The following PRSS3 variants were observed in gnomAD, a reference collection of about 807,000 sequenced individuals.
PRSS3 encodes the protein serine protease 3, also known as trypsin-3.
PRSS3 carries 14 observed loss-of-function variants against 20.8 expected under a neutral mutation model. The ratio of observed to expected loss-of-function variants is 0.67; its 90% CI spans 0.44 to 1.05. The LOEUF (loss-of-function observed/expected upper bound fraction) is 1.05, where lower values mean the gene tolerates loss of function less well. Among genes scored for constraint, PRSS3 ranks in the 50% least tolerant of loss-of-function variants. PRSS3 has a pLI of 0.00. For synonymous variants in PRSS3, 91 were observed against 117.6 expected, an observed-to-expected ratio of 0.77 and a Z score of 1.46; for missense variants, 237 against 306.4, an observed-to-expected ratio of 0.77 and a Z score of 1.69.
At chr9:33,780,814 C>T (rs1824152698) in intron 1 of PRSS3, among the ~76,000 whole-genome samples, 1 of 152,172 alleles carries the variant, frequency 6.6e-6, no homozygotes, top group Non-Finnish European at 1.5e-5. Flanking sequence ...ATAAAGAGTA[C>T]AATCCAACAA....
At chr9:33,785,160 ATTTTTTTTTTTTTTTTT>A (rs74180504) in intron 1 of PRSS3, among the ~76,000 whole-genome samples, 5 of 72,498 alleles carry the variant, frequency 6.9e-5, no homozygotes, top group Admixed American at 5.3e-4. Context: ...ATTGTGGTCA[ATTTTTTTTTTTTTTTTT>A]TTTTTTTTTT....
intron 1 of PRSS3, among the ~76,000 whole-genome samples, chr9:33,763,715 A>G (rs1399004080): frequency 6.6e-6 from 1 of 151,878 alleles, no homozygotes; most frequent in Non-Finnish European, 1.5e-5. Flanking sequence ...AAAAAAAAAA[A>G]AAAGGTGGAA....
intron 1 of PRSS3, among the ~76,000 whole-genome samples, chr9:33,756,791 T>G (rs1275516856): frequency 6.6e-6 from 1 of 152,238 alleles, no homozygotes; most frequent in Non-Finnish European, 1.5e-5. Flanking sequence ...ACTCAGTACT[T>G]TTTCTACATT....
rs746581990 is a variant in PRSS3, at chr9:33,795,634, C to T, written c.40+21C>T. On this transcript the variant is annotated intron_variant, in intron 1 of 4. Transcript: ENST00000379405. ...TGCTGGCGAGTTTCATGACCTGCCTCAGGCCCCACCCACCCCCTTTCCTGG... is the reference window on the plus strand; with the variant it reads ...TGCTGGCGAGTTTCATGACCTGCCTTAGGCCCCACCCACCCCCTTTCCTGG... The T allele has an allele frequency of 3.7e-6, 6 of 1,613,404 alleles. No individual in the cohort carries two copies. The African/African-American group carries it at 8.0e-5, about 22-fold the overall frequency.
At chr9:33,792,395 T>A (rs1306160856), upstream of PRSS3, among the ~76,000 whole-genome samples, 2 of 152,202 alleles carry the variant, frequency 1.3e-5, no homozygotes, top group Non-Finnish European at 2.9e-5. Flanking sequence ...TCTGAAAGAC[T>A]CATGTAGCAA....
intron 1 of PRSS3, 103 bp from the exon 2 acceptor site, chr9:33,796,539 TG>T: frequency 6.7e-7 from 1 of 1,499,510 alleles, no homozygotes; most frequent in Non-Finnish European, 9.2e-7. Flanking sequence ...CTGGCCTCAC[TG>T]GGCTTGTTAA....
chr9:33,775,980 A>G (rs1823905378), intron 1 of PRSS3, among the ~76,000 whole-genome samples: 1 of 152,356 alleles, frequency 6.6e-6, no homozygotes, highest in East Asian at 1.9e-4. Context: ...CTGGGATTAC[A>G]GGCATGAGCC....
In PRSS3 at chr9:33,798,063, C is replaced by A; in HGVS notation, c.435C>A (p.Gly145=). 6.2e-7 allele frequency: 1 copy of A among 1,614,276 alleles called. No homozygotes were observed. The highest frequency in any genetic ancestry group is 2.2e-5 in the East Asian group (1 of 44,884). ...CTGAGTGCCTCATCTCCGGCTGGGG[C>A]AACACTCTGAGCTTTGGTGGTGAGT... ...AGTECLISGW[G]NTLSFGADYP... is the part of the protein sequence containing the mutation. The change falls in exon 3 of 5, where the codon GGC becomes GGA. Residue 145 remains glycine (G), a synonymous_variant. Coordinates refer to ENST00000379405, the MANE Select transcript of PRSS3 (RefSeq NM_002771.4).
chr9:33,793,449 T>A (rs1824732500), upstream of PRSS3, among the ~76,000 whole-genome samples: 1 of 152,214 alleles, frequency 6.6e-6, no homozygotes, highest in Non-Finnish European at 1.5e-5. Flanking sequence ...GCTTGGCCAG[T>A]CATTTGTGAG....
intron 1 of PRSS3, among the ~76,000 whole-genome samples, chr9:33,773,693 A>C (rs1823801153): frequency 6.6e-6 from 1 of 152,340 alleles, no homozygotes; most frequent in Admixed American, 6.5e-5. Context: ...AGTGACACGG[A>C]GTGTCAGCGG....
Position 33,750,943 on chromosome 9 carries a change from C to T in PRSS3, c.-53+216C>T. 8.4e-7 allele frequency: 1 copy of T among 1,189,056 alleles called. No homozygotes were observed. Among genetic ancestry groups the T allele is most frequent in the Non-Finnish European group, 1.1e-6 (1 of 929,014 alleles). 73.7% of individuals were successfully genotyped at this position (1,189,056 alleles called of 1,614,324 possible). On this transcript the variant is annotated intron_variant, in intron 1 of 5. Transcript: ENST00000342836. This position sits in a 1 kb window ranked among gnomAD's most constrained non-coding sequence, Gnocchi z 4.8. ...GGGAGGACGGGAGGGGATGGAGGGC[C>T]CTGGTGTCGCAGAAGCCCACCTGGG...
chr9:33,796,925 G>A (rs960716416), intron 2 of PRSS3, 123 bp downstream of exon 2: 108 of 1,500,158 alleles, frequency 7.2e-5, no homozygotes, highest in Non-Finnish European at 9.3e-5. Flanking sequence ...AAGAAAACTT[G>A]TTGACAGCAG....
chr9:33,760,655 A>G (rs1276721224), intron 1 of PRSS3, among the ~76,000 whole-genome samples: 6 of 151,180 alleles, frequency 4.0e-5, no homozygotes, highest in African/African-American at 2.4e-5. Flanking sequence ...CTGAGGCCAG[A>G]GAATGCCGTG....
upstream of PRSS3, among the ~76,000 whole-genome samples, chr9:33,792,647 C>G (rs2077006): frequency 0.018 from 2,712 of 152,342 alleles, 46 homozygotes; most frequent in Non-Finnish European, 0.025. Flanking sequence ...ATCTTTAAAA[C>G]CTACTGGCTG....
chr9:33,794,766 G>T, upstream of PRSS3: 5 of 1,550,240 alleles, frequency 3.2e-6, no homozygotes, highest in Non-Finnish European at 4.4e-6. Context: ...CAACCGTGAG[G>T]CTGCATAAAA....
chr9:33,756,355 T>C (rs1440557637), intron 1 of PRSS3, among the ~76,000 whole-genome samples: 2 of 152,130 alleles, frequency 1.3e-5, no homozygotes, highest in African/African-American at 4.8e-5. Flanking sequence ...TATTTCATGA[T>C]GCTGTTATTT....
chr9:33,797,867 T>C lies in PRSS3; in HGVS notation c.239T>C (p.Val80Ala). Residue 80 changes from valine (V) to alanine (A), a missense_variant, in exon 3 of 5, where the codon GTC (valine) becomes GCC (alanine). By Grantham distance (64) the Val-to-Ala change is moderately conservative. Coordinates refer to ENST00000379405, the MANE Select transcript of PRSS3 (RefSeq NM_002771.4). ...QVRLGEHNIK[V>A]LEGNEQFINA... ...AGACTGGGAGAGCACAACATCAAAGTCCTGGAGGGGAATGAGCAGTTCATC... is the reference window on the plus strand; with the variant it reads ...AGACTGGGAGAGCACAACATCAAAGCCCTGGAGGGGAATGAGCAGTTCATC... The C allele has an allele frequency of 1.2e-6, 2 of 1,614,226 alleles. No homozygotes were observed. The highest frequency in any genetic ancestry group is 1.7e-6 in the Non-Finnish European group (2 of 1,180,038).
intron 1 of PRSS3, among the ~76,000 whole-genome samples, chr9:33,759,302 G>A (rs10758225): frequency 0.22 from 33,057 of 152,004 alleles, 3,763 homozygotes; most frequent in Middle Eastern, 0.24. Flanking sequence ...AGATATACAC[G>A]GAAGGTGGAT....
rs1446427110 is a variant in PRSS3, at chr9:33,798,013, C to T, written c.385C>T (p.Pro129Ser). The T allele has an allele frequency of 1.8e-5, 29 of 1,614,156 alleles. No individual in the cohort carries two copies. Among genetic ancestry groups the T allele is most frequent in the Middle Eastern group, 3.3e-4 (2 of 6,084 alleles). Residue 129 changes from proline (P) to serine (S), a missense_variant, in exon 3 of 5, where the codon CCC becomes TCC. Transcript: ENST00000379405. ...INARVSTISLPTTPPAAGTEC... is the reference protein window; with the variant it reads ...INARVSTISLSTTPPAAGTEC... ...TGCCCGCGTGTCCACCATCTCTCTG[C>T]CCACCACCCCTCCAGCTGCTGGCAC...
Sources: gnomAD v4.1 joint callset for allele counts (sites outside exome capture counted in the v4.1 genomes callset) on GRCh38, gnomAD v4.1.1 for gene constraint, Gnocchi (gnomAD v3.1) non-coding constraint, MANE v1.5 for transcripts, NCBI Gene and HGNC (gene_info 2026-07-23, HGNC 2026-07-21) for gene names.